The following CRTAP variants were observed in gnomAD, a reference collection of about 807,000 sequenced individuals.
CRTAP encodes cartilage associated protein.
Under a neutral mutation model 42.7 loss-of-function variants are expected in CRTAP, and 33 were observed. The observed-to-expected ratio is 0.77, with a 90% CI of 0.59 to 1.03. CRTAP has a LOEUF of 1.03. CRTAP is among the 50% of genes least tolerant of loss of function. The probability of loss-of-function intolerance (pLI) is 0.00; values close to 1 mark genes in which losing one functional copy is unlikely to be tolerated. For missense variants in CRTAP, 613 were observed against 533.9 expected (o/e 1.15, Z -1.46); for synonymous variants, 243 against 217.7 (o/e 1.12, Z -1.02).
At chr3:33,119,553 C>T (rs948617391) in intron 1 of CRTAP, among the ~76,000 whole-genome samples, 7 of 151,940 alleles carry the variant, frequency 4.6e-5, no homozygotes, top group Non-Finnish European at 8.8e-5. Context: ...AAATGGTGCT[C>T]TTGTAATATG....
At chr3:33,125,834 C>T (rs1288523559) in intron 3 of CRTAP, among the ~76,000 whole-genome samples, 1 of 152,164 alleles carries the variant, frequency 6.6e-6, no homozygotes, top group Non-Finnish European at 1.5e-5. Flanking sequence ...AATACCTAAA[C>T]AGTGTCCCAA....
At chr3:33,129,538 T>TC (rs1315417155) in intron 3 of CRTAP, among the ~76,000 whole-genome samples, 7 of 143,888 alleles carry the variant, frequency 4.9e-5, no homozygotes, top group South Asian at 2.3e-4. Context: ...TCTTTTTCTT[T>TC]TTTTTTTTTT....
At chr3:33,120,084 C>G (rs1701399020) in intron 1 of CRTAP, among the ~76,000 whole-genome samples, 1 of 152,192 alleles carries the variant, frequency 6.6e-6, no homozygotes, top group Non-Finnish European at 1.5e-5. Flanking sequence ...TCCACACAGG[C>G]CAGCCTCCTG....
intron 3 of CRTAP, among the ~76,000 whole-genome samples, chr3:33,127,397 C>T (rs2030105363): frequency 6.6e-6 from 1 of 151,944 alleles, no homozygotes; most frequent in Non-Finnish European, 1.5e-5. Context: ...TACTTTATTG[C>T]TCTCTCCATA....
intron 2 of CRTAP, among the ~76,000 whole-genome samples, chr3:33,123,294 T>C (rs2029949407): frequency 6.6e-6 from 1 of 152,188 alleles, no homozygotes; most frequent in Non-Finnish European, 1.5e-5. Flanking sequence ...CATGTCCAGT[T>C]GTAATCCCCA....
intron 3 of CRTAP, among the ~76,000 whole-genome samples, chr3:33,126,898 T>C (rs545162942): frequency 1.3e-3 from 194 of 152,322 alleles, no homozygotes; most frequent in African/African-American, 4.6e-3. Flanking sequence ...TTGCATTCTT[T>C]TGAGTTTCTG....
At chr3:33,130,233 C>A (rs2030213099) in intron 4 of CRTAP, among the ~76,000 whole-genome samples, 166 bp downstream of exon 4, 1 of 152,206 alleles carries the variant, frequency 6.6e-6, no homozygotes, top group African/African-American at 2.4e-5. Flanking sequence ...TGATTCAGGG[C>A]AGAGCCTGTA....
intron 2 of CRTAP, among the ~76,000 whole-genome samples, chr3:33,122,279 G>T (rs2029900261): frequency 6.6e-6 from 1 of 151,896 alleles, no homozygotes; most frequent in South Asian, 2.1e-4. Context: ...CCTTCTTGCT[G>T]CTGCTGCTGC....
Position 33,114,508 on chromosome 3 carries a change from G to T in CRTAP, c.431G>T (p.Arg144Leu). ...PSREVLADFQ[R>L]REPYKFLQFA... ...CGCGAGGTGCTGGCGGACTTCCAGCGCCGCGAGCCCTACAAGTTCCTGCAG... is the reference window on the plus strand; with the variant it reads ...CGCGAGGTGCTGGCGGACTTCCAGCTCCGCGAGCCCTACAAGTTCCTGCAG... Residue 144 changes from arginine (R) to leucine (L), a missense_variant, in exon 1 of 7, where the codon CGC (arginine) becomes CTC (leucine). Arg to Leu is a moderately radical substitution (Grantham distance 102). Transcript: ENST00000320954. The T allele has an allele frequency of 6.2e-7, 1 of 1,603,848 alleles. No individual in the cohort carries two copies. The highest frequency in any genetic ancestry group is 2.2e-5 in the East Asian group (1 of 44,596).
At chr3:33,132,412 C>A in intron 4 of CRTAP, 143 bp from the exon 5 acceptor site, 1 of 1,183,360 alleles carries the variant, frequency 8.5e-7, no homozygotes, top group Non-Finnish European at 1.3e-6. Context: ...GCCTGCCCAC[C>A]CAGGGCTGCC....
chr3:33,126,809 C>T (rs2030085916), intron 3 of CRTAP, among the ~76,000 whole-genome samples: 2 of 152,164 alleles, frequency 1.3e-5, no homozygotes, highest in South Asian at 4.1e-4. Context: ...GTAAGATGTA[C>T]ATTGCTTCAG....
chr3:33,129,637 A>C (rs1379556789), intron 3 of CRTAP, among the ~76,000 whole-genome samples: 1 of 142,408 alleles, frequency 7.0e-6, no homozygotes, highest in Non-Finnish European at 1.5e-5. Context: ...TTCCGGGTTC[A>C]CGCCATTCTT....
Position 33,114,374 on chromosome 3 carries a change from C to A in CRTAP, c.297C>A (p.Gly99=). The A allele has an allele frequency of 6.6e-7, 1 of 1,525,762 alleles. No individual in the cohort carries two copies. The highest frequency in any genetic ancestry group is 8.8e-7 in the Non-Finnish European group (1 of 1,142,578). The allele number at this position is 1,525,762 out of a possible 1,614,324, so 94.5% of individuals were successfully genotyped here. A position where few individuals can be genotyped will look rare whatever the true frequency, so the allele number is the denominator to read the frequency against. The change falls in exon 1 of 7, where the codon GGC becomes GGA. Residue 99 remains glycine (G), a synonymous_variant. Coordinates refer to ENST00000320954, the MANE Select transcript of CRTAP (RefSeq NM_006371.5). ...CGCCGCAGCCCGAGCCCGCCGCCGG[C>A]CTCGCCAGCTATCCCGAGCTGCGCC... ...SAAPQPEPAA[G]LASYPELRLF...
At chr3:33,124,034 C>G (rs1035964979) in intron 2 of CRTAP, among the ~76,000 whole-genome samples, 1 of 152,046 alleles carries the variant, frequency 6.6e-6, no homozygotes, top group Non-Finnish European at 1.5e-5. Flanking sequence ...ATCATAGTTA[C>G]GACATAGAAT....
intron 1 of CRTAP, among the ~76,000 whole-genome samples, chr3:33,116,435 T>A (rs1033058318): frequency 6.6e-6 from 1 of 152,244 alleles, no homozygotes; most frequent in Non-Finnish European, 1.5e-5. Context: ...CTCAGCTCGC[T>A]GCAACCTCTG....
chr3:33,132,555 T>G lies in CRTAP; in HGVS notation c.923T>G (p.Leu308Trp), dbSNP rs962668670. The change falls in exon 5 of 7, where the codon TTG becomes TGG. Residue 308 changes from leucine to tryptophan, a missense_variant and splice_region_variant. Leu to Trp is a moderately conservative substitution (Grantham distance 61). Transcript: ENST00000320954. ...YHYLQFAYYKLNDLKNAAPCA... is the reference protein window; with the variant it reads ...YHYLQFAYYKWNDLKNAAPCA... ...ATTTGTCTTTTCTTCCCAACCCTAG[T>G]GAACGACCTGAAGAATGCAGCCCCC... The G allele has an allele frequency of 8.7e-6, 14 of 1,613,930 alleles. No individual in the cohort carries two copies. The highest frequency in any genetic ancestry group is 2.2e-5 in the South Asian group (2 of 91,086).
At position 33,146,120 on chromosome 3, in the gene CRTAP, TC is replaced by T. The variant is rs1310358750; in HGVS notation, c.*3675del. ...CACTCAATGACCTCAACCCAACACCTCCCTGAGTGTGCTTCTTGGAAGAGCC... is the reference window on the plus strand; with the variant it reads ...CACTCAATGACCTCAACCCAACACCTCCTGAGTGTGCTTCTTGGAAGAGCC... On this transcript the variant is annotated 3_prime_UTR_variant, in exon 7 of 7. Transcript: ENST00000320954. 6.6e-6 allele frequency: 1 copy of T among 151,804 alleles called. No individual in the cohort carries two copies. The highest frequency in any genetic ancestry group is 2.4e-5 in the African/African-American group (1 of 41,276). The allele number at this position is 151,804 out of a possible 1,614,324, so 9.4% of individuals were successfully genotyped here.
In CRTAP at chr3:33,125,502, T is replaced by TTG. The variant is rs1227597381; in HGVS notation, c.793+924_793+925insGT. 4.8e-5 allele frequency among the ~76,000 whole-genome samples: 7 copies of TTG among 146,192 alleles called. No individual in the cohort carries two copies. The East Asian group carries it at 8.0e-4, about 17-fold the overall frequency. On this transcript the variant is annotated intron_variant, in intron 3 of 6. Transcript: ENST00000320954. ...TTTCTACAAAGTAGGTTTTTTTTTT[T>TTG]TTTTTTTTTTTTTGCCTTAAGAAAA...
rs559959290 is a variant in CRTAP at position 33,124,720 on chromosome 3, A to G, written c.793+141A>G. The G allele has an allele frequency of 1.4e-4, 130 of 923,916 alleles. 1 individual carries two copies. The African/African-American group carries it at 1.5e-3, about 11-fold the overall frequency. The allele number at this position is 923,916 out of a possible 1,614,324, so 57.2% of individuals were successfully genotyped here. The stretch of plus-strand genomic sequence containing the variant: ...TACTTATTAACGGGTAACTGAGGGT[A>G]GTCACCACCTGCATAGATAAACCTT... On this transcript the variant is annotated intron_variant, in intron 3 of 6. Transcript: ENST00000320954.
Sources: allele counts gnomAD v4.1 joint callset (sites outside exome capture counted in the v4.1 genomes callset), GRCh38; gene constraint gnomAD v4.1.1; transcripts MANE v1.5; gene names NCBI Gene and HGNC (gene_info 2026-07-23, HGNC 2026-07-21).